Variants in LRFN2 observed in about 807,000 individuals in gnomAD.
LRFN2 encodes the protein leucine rich repeat and fibronectin type III domain containing 2.
Under a neutral mutation model 37.3 loss-of-function variants are expected in LRFN2, and 18 were observed. The ratio of observed to expected loss-of-function variants is 0.48; its 90% CI spans 0.33 to 0.72. The LOEUF is 0.72. LRFN2 is among the 30% of genes least tolerant of loss of function. The pLI is 0.02. For missense variants in LRFN2, 1,006 were observed against 1,060.7 expected (o/e 0.95, Z 0.72); for synonymous variants, 556 against 466.6 (o/e 1.19, Z -2.47).
chr6:40,437,275 T>C (rs12194543), intron 1 of LRFN2, among the ~76,000 whole-genome samples: 16,415 of 152,154 alleles, frequency 0.11, 1,199 homozygotes, highest in East Asian at 0.3. Context: ...GGCTGATCCA[T>C]ATGGACCGCA....
intron 1 of LRFN2, among the ~76,000 whole-genome samples, chr6:40,441,997 C>T (rs1160232608): frequency 6.6e-6 from 1 of 152,152 alleles, no homozygotes; most frequent in Admixed American, 6.5e-5. Flanking sequence ...GGCCTTTCTC[C>T]CTCACCCAAG....
intron 1 of LRFN2, among the ~76,000 whole-genome samples, chr6:40,479,061 C>T (rs1238241804): frequency 6.6e-6 from 1 of 152,192 alleles, no homozygotes; most frequent in Non-Finnish European, 1.5e-5. Context: ...CCACACATAA[C>T]CAGATAGAAA....
chr6:40,543,459 C>T (rs1766593497), intron 1 of LRFN2, among the ~76,000 whole-genome samples: 1 of 152,216 alleles, frequency 6.6e-6, no homozygotes, highest in African/African-American at 2.4e-5. Flanking sequence ...CTTCCCCACT[C>T]CAACTTCTTC....
At chr6:40,526,301 A>T (rs1051506703) in intron 1 of LRFN2, among the ~76,000 whole-genome samples, 1 of 152,228 alleles carries the variant, frequency 6.6e-6, no homozygotes, top group Non-Finnish European at 1.5e-5. Flanking sequence ...TGGTGTGTGT[A>T]TGCGTCACCA....
rs149336539 is a variant in LRFN2 at position 40,432,442 on chromosome 6, C to A, written c.672G>T (p.Ser224=). 6.2e-7 allele frequency: 1 copy of A among 1,614,154 alleles called. No homozygotes were observed. Among genetic ancestry groups the A allele is most frequent in the Non-Finnish European group, 8.5e-7 (1 of 1,180,046 alleles). Reference sequence around the variant, plus strand: ...GGGCAAAGGGTGTGGCTGTCAAAGCCGAAGCCTGGGAGCGGGCAAAGATGG... The same window carrying A: ...GGGCAAAGGGTGTGGCTGTCAAAGCAGAAGCCTGGGAGCGGGCAAAGATGG... The part of the protein sequence containing the change: ...PDPIFARSQA[S]ALTATPFAPP... Residue 224 remains serine (S), a synonymous_variant, in exon 2 of 3, where the codon TCG becomes TCT. Transcript: ENST00000338305.
intron 1 of LRFN2, among the ~76,000 whole-genome samples, chr6:40,539,815 T>A (rs1581785509): frequency 6.6e-6 from 1 of 152,216 alleles, no homozygotes; most frequent in African/African-American, 2.4e-5. Context: ...GCGGTCTTGG[T>A]TTTGATCTTG....
chr6:40,545,378 C>T (rs920119720), intron 1 of LRFN2, among the ~76,000 whole-genome samples: 3 of 152,168 alleles, frequency 2.0e-5, no homozygotes, highest in Non-Finnish European at 4.4e-5. Flanking sequence ...TCCTACGAGG[C>T]CCCTCACTCA....
At chr6:40,461,978 T>C (rs1431472580) in intron 1 of LRFN2, among the ~76,000 whole-genome samples, 1 of 152,208 alleles carries the variant, frequency 6.6e-6, no homozygotes, top group Middle Eastern at 3.2e-3. Context: ...TTAGGTAAGA[T>C]CACAAGTCTT....
At chr6:40,585,836 TACACACACACACGCGTACACACACAC>T (rs991894820) in intron 1 of LRFN2, among the ~76,000 whole-genome samples, 1 of 149,584 alleles carries the variant, frequency 6.7e-6, no homozygotes. Context: ...TACACATGCG[TACACACACACACGCGTACACACACAC>T]ACACACACAC....
At chr6:40,430,634 T>A (rs1283930970) in intron 2 of LRFN2, among the ~76,000 whole-genome samples, 1 of 152,258 alleles carries the variant, frequency 6.6e-6, no homozygotes, top group African/African-American at 2.4e-5. Context: ...GAATGACTTA[T>A]GTGATTCTAT....
chr6:40,510,718 G>A (rs1049101130), intron 1 of LRFN2, among the ~76,000 whole-genome samples: 4 of 152,232 alleles, frequency 2.6e-5, no homozygotes, highest in Admixed American at 2.6e-4. Context: ...CGAAAGCAGG[G>A]CCGAGGAGAC....
chr6:40,572,519 G>C (rs1259249789), intron 1 of LRFN2, among the ~76,000 whole-genome samples: 1 of 152,206 alleles, frequency 6.6e-6, no homozygotes, highest in African/African-American at 2.4e-5. Context: ...TGGGAGGCTT[G>C]ATGGGCATAT....
rs1301636903 is a variant in LRFN2 at position 40,431,946 on chromosome 6, C to T, written c.1168G>A (p.Ala390Thr). The T allele has an allele frequency of 1.9e-6, 3 of 1,613,428 alleles. No homozygotes were observed. The highest frequency in any genetic ancestry group is 1.7e-6 in the Non-Finnish European group (2 of 1,179,882). Residue 390 changes from alanine to threonine, a missense_variant, in exon 2 of 3, where the codon GCA becomes ACA. Transcript: ENST00000338305. ...PHLSNSTSRT[A>T]PPKSRLSDIT... is the part of the protein sequence containing the mutation. ...TCTGAGAGGCGGGACTTGGGGGGTG[C>T]AGTGCGGCTGGTGCTGTTGCTGAGG...
chr6:40,570,998 G>A (rs909618434), intron 1 of LRFN2, among the ~76,000 whole-genome samples: 3 of 152,186 alleles, frequency 2.0e-5, no homozygotes, highest in Non-Finnish European at 1.5e-5. Flanking sequence ...TGGCCTAGAG[G>A]AACTTAATGG....
intron 1 of LRFN2, among the ~76,000 whole-genome samples, chr6:40,466,995 A>G (rs1232182002): frequency 2.0e-5 from 3 of 152,138 alleles, no homozygotes; most frequent in African/African-American, 4.8e-5. Context: ...ACGGCCACCT[A>G]CAAGTCAAGT....
intron 1 of LRFN2, among the ~76,000 whole-genome samples, chr6:40,508,761 G>A (rs941983066): frequency 3.3e-5 from 5 of 152,180 alleles, no homozygotes; most frequent in South Asian, 2.1e-4. Flanking sequence ...CAAATATGCC[G>A]GTGGAACTAA....
intron 1 of LRFN2, among the ~76,000 whole-genome samples, chr6:40,541,151 G>A (rs1293514827): frequency 2.0e-5 from 3 of 152,176 alleles, no homozygotes; most frequent in Non-Finnish European, 4.4e-5. Flanking sequence ...TCCTTCCCCA[G>A]GCCAGCCAGC....
At chr6:40,468,064 G>A (rs200531208) in intron 1 of LRFN2, among the ~76,000 whole-genome samples, 4,328 of 152,164 alleles carry the variant, frequency 0.028, 112 homozygotes, top group East Asian at 0.097. Context: ...CACCCAGGAC[G>A]GGGGTTCCCA....
At chr6:40,510,056 A>T (rs1765659909) in intron 1 of LRFN2, among the ~76,000 whole-genome samples, 1 of 143,006 alleles carries the variant, frequency 7.0e-6, no homozygotes, top group Non-Finnish European at 1.5e-5. Flanking sequence ...CAGGTAGGAG[A>T]GCTGAGTGCA....
Sources: gnomAD v4.1 joint callset for allele counts (sites outside exome capture counted in the v4.1 genomes callset) on GRCh38, gnomAD v4.1.1 for gene constraint, MANE v1.5 for transcripts, NCBI Gene and HGNC (gene_info 2026-07-23, HGNC 2026-07-21) for gene names.